The following DCAF8L2 variants were observed in gnomAD, a reference collection of about 807,000 sequenced individuals.
DCAF8L2 encodes the protein DDB1- and CUL4-associated factor 8-like protein 2.
For missense variants in DCAF8L2, 430 were observed against 490.7 expected, an observed-to-expected ratio of 0.88 and a Z score of 1.17; for synonymous variants, 200 against 190.9, an observed-to-expected ratio of 1.05 and a Z score of -0.39.
chrX:27,714,557 G>C (rs1041330761), intron 3 of DCAF8L2, among the ~76,000 whole-genome samples: 4 of 111,907 alleles, frequency 3.6e-5, no homozygotes, highest in African/African-American at 1.3e-4. Context: ...TGTATAAAAT[G>C]ACTACATTTT....
intron 1 of DCAF8L2, among the ~76,000 whole-genome samples, chrX:27,601,266 T>A (rs1926628153): frequency 1.8e-5 from 2 of 112,137 alleles, no homozygotes; most frequent in South Asian, 7.3e-4. Context: ...TACTATCAAA[T>A]TCACACCCTC....
the DCAF8L2 span, among the ~76,000 whole-genome samples, chrX:27,511,848 C>T: frequency 8.9e-6 from 1 of 112,058 alleles, no homozygotes; most frequent in African/African-American, 3.2e-5. Flanking sequence ...AAAGTGGTAG[C>T]TTTTCTCTGT....
At chrX:27,543,228 A>C in the DCAF8L2 span, among the ~76,000 whole-genome samples, 1 of 112,378 alleles carries the variant, frequency 8.9e-6, no homozygotes, top group African/African-American at 3.2e-5. Context: ...AGCACCATTT[A>C]TTGAATAAGA....
chrX:27,697,575 A>C (rs1001796175), intron 3 of DCAF8L2, among the ~76,000 whole-genome samples: 3 of 111,540 alleles, frequency 2.7e-5, no homozygotes, highest in African/African-American at 9.8e-5. Context: ...AAAATAGATA[A>C]ATTTTACCTA....
chrX:27,668,070 C>G (rs1280688176), intron 2 of DCAF8L2, among the ~76,000 whole-genome samples: 1 of 112,006 alleles, frequency 8.9e-6, no homozygotes, highest in East Asian at 2.8e-4. Flanking sequence ...AGTAAGGCTT[C>G]TTCCCAAGCA....
chrX:27,621,234 A>G (rs1185041603), intron 1 of DCAF8L2, among the ~76,000 whole-genome samples: 1 of 111,573 alleles, frequency 9.0e-6, no homozygotes, highest in South Asian at 3.7e-4. Flanking sequence ...CTTTTACAAG[A>G]TGAAAAGAGT....
chrX:27,519,848 A>G, the DCAF8L2 span: 6 of 335,601 alleles, frequency 1.8e-5, no homozygotes, highest in Non-Finnish European at 3.1e-5. Flanking sequence ...AAAATAATGA[A>G]AAAGGATGTG....
At chrX:27,680,260 G>A (rs1207531334) in intron 3 of DCAF8L2, among the ~76,000 whole-genome samples, 1 of 111,218 alleles carries the variant, frequency 9.0e-6, no homozygotes, top group Non-Finnish European at 1.9e-5. Flanking sequence ...GCAGGATTGT[G>A]AAAGTTTGCT....
At chrX:27,519,459 G>T in the DCAF8L2 span, 7 of 1,108,875 alleles carry the variant, frequency 6.3e-6, no homozygotes, top group Non-Finnish European at 8.7e-6. Flanking sequence ...AAGCCAAGAA[G>T]AAAAAGGAAG....
chrX:27,525,809 A>G, the DCAF8L2 span, among the ~76,000 whole-genome samples: 1 of 111,705 alleles, frequency 9.0e-6, no homozygotes, highest in Non-Finnish European at 1.9e-5. Context: ...TGGATATGAA[A>G]TTCTGGGTTG....
At chrX:27,642,200 G>A (rs773607923) in intron 2 of DCAF8L2, among the ~76,000 whole-genome samples, 1 of 110,457 alleles carries the variant, frequency 9.1e-6, no homozygotes, top group East Asian at 2.8e-4. Flanking sequence ...GCCTGATAAG[G>A]GTACATCTTA....
intron 1 of DCAF8L2, among the ~76,000 whole-genome samples, chrX:27,596,224 A>C (rs1461361304): frequency 2.7e-5 from 3 of 111,877 alleles, no homozygotes; most frequent in Non-Finnish European, 5.6e-5. Flanking sequence ...TTATTTTCCT[A>C]CTGATTTTAC....
the DCAF8L2 span, among the ~76,000 whole-genome samples, chrX:27,484,339 C>T: frequency 9.0e-6 from 1 of 111,380 alleles, no homozygotes; most frequent in Non-Finnish European, 1.9e-5. Flanking sequence ...TTCAGTGATT[C>T]ACAAATCCTT....
chrX:27,476,820 T>A, the DCAF8L2 span, among the ~76,000 whole-genome samples: 1 of 112,199 alleles, frequency 8.9e-6, no homozygotes, highest in Non-Finnish European at 1.9e-5. Flanking sequence ...ACTTTTTTTC[T>A]TGCAGCATTG....
the DCAF8L2 span, among the ~76,000 whole-genome samples, chrX:27,547,461 C>A: frequency 9.0e-6 from 1 of 111,646 alleles, no homozygotes; most frequent in Non-Finnish European, 1.9e-5. Context: ...AAGAACTTCC[C>A]AAGACAGAGT....
the DCAF8L2 span, among the ~76,000 whole-genome samples, chrX:27,569,609 C>T: frequency 1.8e-5 from 2 of 111,985 alleles, no homozygotes; most frequent in African/African-American, 6.5e-5. Context: ...GTTTAGAATA[C>T]AGCTGTTTAA....
intron 2 of DCAF8L2, among the ~76,000 whole-genome samples, chrX:27,644,961 T>C (rs888806797): frequency 8.9e-6 from 1 of 111,995 alleles, no homozygotes; most frequent in African/African-American, 3.3e-5. Context: ...CTTCACCATG[T>C]TGGCCAGGAT....
the DCAF8L2 span, among the ~76,000 whole-genome samples, chrX:27,505,075 C>G: frequency 1.8e-5 from 2 of 111,525 alleles, no homozygotes; most frequent in Non-Finnish European, 3.8e-5. Context: ...TCCATTCTCC[C>G]AAGTCTTTTA....
At chrX:27,627,538 T>TGG (rs1928076158) in intron 1 of DCAF8L2, 4 of 10,501 alleles carry the variant, frequency 3.8e-4, no homozygotes, top group Non-Finnish European at 3.2e-4. Flanking sequence ...TTGTTTTTGT[T>TGG]GTGTGTGTGT....
Sources: gnomAD v4.1 joint callset for allele counts (sites outside exome capture counted in the v4.1 genomes callset) on GRCh38, gnomAD v4.1.1 for gene constraint, MANE v1.5 for transcripts, NCBI Gene and HGNC (gene_info 2026-07-23, HGNC 2026-07-21) for gene names.